Variants in ZNF385B observed in about 807,000 individuals in gnomAD.
ZNF385B encodes the protein zinc finger protein 533.
A neutral mutation model predicts 39.2 loss-of-function variants in ZNF385B; 23 were observed. The ratio of observed to expected loss-of-function variants is 0.59; its 90% CI spans 0.42 to 0.83. The LOEUF is 0.83. Ranked by LOEUF, ZNF385B falls within the 40% of genes least tolerant of loss-of-function variation. The pLI is 0.00. For missense variants in ZNF385B, 552 were observed against 598.9 expected (o/e 0.92, Z 0.82); for synonymous variants, 205 against 222.6 (o/e 0.92, Z 0.70).
At chr2:179,677,827 C>T (rs1390124287) in intron 3 of ZNF385B, among the ~76,000 whole-genome samples, 2 of 152,108 alleles carry the variant, frequency 1.3e-5, no homozygotes, top group Non-Finnish European at 2.9e-5. Flanking sequence ...TTCTAAAACA[C>T]CATTTGAGAT....
At chr2:179,707,344 T>C (rs1162357941) in intron 3 of ZNF385B, among the ~76,000 whole-genome samples, 16 of 152,320 alleles carry the variant, frequency 1.1e-4, no homozygotes, top group African/African-American at 3.8e-4. Context: ...CACCTGGCCC[T>C]GAGGAAGCAC....
chr2:179,656,474 A>C (rs775536728), intron 3 of ZNF385B, among the ~76,000 whole-genome samples: 3 of 152,198 alleles, frequency 2.0e-5, no homozygotes, highest in Non-Finnish European at 4.4e-5. Flanking sequence ...TACTAAAACT[A>C]AAAAGGGTAA....
chr2:179,629,293 A>T lies in ZNF385B; in HGVS notation c.299-84324T>A, dbSNP rs78097164. On this transcript the variant is annotated intron_variant, in intron 3 of 9. Transcript: ENST00000410066. The stretch of plus-strand genomic sequence containing the variant: ...CACCTACAGAGTACTGTCAGCCAGC[A>T]TCTGAAATTTTATTACTTAGAGCAA... 8.4e-3 allele frequency among the ~76,000 whole-genome samples: 1,279 copies of T among 152,336 alleles called. 19 individuals are homozygous for T. The highest frequency in any genetic ancestry group is 0.03 in the African/African-American group (1,231 of 41,582).
intron 1 of ZNF385B, among the ~76,000 whole-genome samples, chr2:179,821,493 T>A (rs766364161): frequency 1.3e-5 from 2 of 152,040 alleles, no homozygotes; most frequent in Non-Finnish European, 2.9e-5. Context: ...CACCCCTTGG[T>A]TTAAAAGCCA....
intron 3 of ZNF385B, among the ~76,000 whole-genome samples, chr2:179,628,974 T>C (rs574712514): frequency 6.6e-6 from 1 of 152,242 alleles, no homozygotes. Flanking sequence ...CATTATGCAC[T>C]AACAGATGTT....
intron 3 of ZNF385B, among the ~76,000 whole-genome samples, chr2:179,696,510 A>G (rs977450586): frequency 4.6e-5 from 7 of 151,894 alleles, no homozygotes; most frequent in African/African-American, 1.7e-4. Context: ...GTAAAACAAT[A>G]TATCCTAATG....
At chr2:179,580,521 G>C (rs909278569) in intron 3 of ZNF385B, among the ~76,000 whole-genome samples, 1 of 152,150 alleles carries the variant, frequency 6.6e-6, no homozygotes, top group East Asian at 1.9e-4. Flanking sequence ...GACTGTATTT[G>C]TAGACAGGCC....
At position 179,493,678 on chromosome 2, in the gene ZNF385B, TACATATAC is replaced by T. The variant is rs755340952; in HGVS notation, c.553-10252_553-10245del. On this transcript the variant is annotated intron_variant, in intron 5 of 9. Transcript: ENST00000410066. The stretch of plus-strand genomic sequence containing the variant: ...ACATATATGTATATGCATATGCATA[TACATATAC>T]ACATATATACATATATGTATACACA... Among the ~76,000 whole-genome samples, 644 of 110,474 alleles carry T rather than the reference TACATATAC, an allele frequency of 5.8e-3. 36 individuals are homozygous for T. The highest frequency in any genetic ancestry group is 9.6e-3 in the Middle Eastern group (2 of 208). 72.5% of individuals were successfully genotyped at this position (110,474 alleles called of 152,430 possible).
chr2:179,755,032 A>C (rs2106476419), intron 3 of ZNF385B, among the ~76,000 whole-genome samples: 1 of 152,238 alleles, frequency 6.6e-6, no homozygotes, highest in Non-Finnish European at 1.5e-5. Flanking sequence ...TTAGGGTGTC[A>C]ATTTTAGATG....
chr2:179,481,842 AT>A (rs2054030792), intron 6 of ZNF385B, among the ~76,000 whole-genome samples: 1 of 152,204 alleles, frequency 6.6e-6, no homozygotes, highest in Non-Finnish European at 1.5e-5. Context: ...CCTCCAGCAA[AT>A]AACTGCCACA....
intron 3 of ZNF385B, among the ~76,000 whole-genome samples, chr2:179,648,155 TG>T (rs1319217193): frequency 6.6e-6 from 1 of 151,830 alleles, no homozygotes; most frequent in Non-Finnish European, 1.5e-5. Context: ...TATTGGTGCA[TG>T]GGTGGAATAG....
chr2:179,623,271 C>CT (rs764039947), intron 3 of ZNF385B, among the ~76,000 whole-genome samples: 3,289 of 144,986 alleles, frequency 0.023, 47 homozygotes, highest in Admixed American at 0.03. Flanking sequence ...GGACATTTGT[C>CT]TTTTTTTTTT....
intron 3 of ZNF385B, among the ~76,000 whole-genome samples, chr2:179,767,676 T>C (rs1364150067): frequency 6.6e-6 from 1 of 152,096 alleles, no homozygotes; most frequent in African/African-American, 2.4e-5. Context: ...AAACAGTAGA[T>C]AGTGTACGCA....
At chr2:179,755,037 T>G (rs895348248) in intron 3 of ZNF385B, among the ~76,000 whole-genome samples, 2 of 152,254 alleles carry the variant, frequency 1.3e-5, no homozygotes, top group Non-Finnish European at 2.9e-5. Flanking sequence ...GTGTCAATTT[T>G]AGATGTTTCC....
chr2:179,565,089 A>C (rs1309715164), intron 3 of ZNF385B, among the ~76,000 whole-genome samples: 1 of 152,172 alleles, frequency 6.6e-6, no homozygotes, highest in East Asian at 1.9e-4. Flanking sequence ...CACAAGCATA[A>C]TTCCTTAATC....
rs1008977705 is a variant in ZNF385B, at chr2:179,861,493, G to A, written c.-547C>T. 6.6e-6 allele frequency: 1 copy of A among 152,264 alleles called. No homozygotes were observed. Among genetic ancestry groups the A allele is most frequent in the African/African-American group, 2.4e-5 (1 of 41,400 alleles). 9.4% of individuals were successfully genotyped at this position (152,264 alleles called of 1,614,324 possible). Reference sequence around the variant, plus strand: ...CCCCTGGCCTGGCCGAGGACCCCGGGGTTTGGACGTGCCAACGCCACTCTC... The same window carrying A: ...CCCCTGGCCTGGCCGAGGACCCCGGAGTTTGGACGTGCCAACGCCACTCTC... On this transcript the variant is annotated 5_prime_UTR_variant, in exon 1 of 10. Transcript: ENST00000410066.
At chr2:179,594,804 T>TC (rs1210578025) in intron 3 of ZNF385B, among the ~76,000 whole-genome samples, 2 of 151,710 alleles carry the variant, frequency 1.3e-5, no homozygotes, top group East Asian at 3.9e-4. Flanking sequence ...ACTCTTTTTT[T>TC]TTTTTTCTGT....
chr2:179,578,616 T>C (rs1310260375), intron 3 of ZNF385B, among the ~76,000 whole-genome samples: 1 of 152,120 alleles, frequency 6.6e-6, no homozygotes, highest in Non-Finnish European at 1.5e-5. Flanking sequence ...CACAAGTCAT[T>C]TGCATTATTA....
At chr2:179,810,466 CAAAT>C (rs538714519) in intron 1 of ZNF385B, among the ~76,000 whole-genome samples, 84 of 151,826 alleles carry the variant, frequency 5.5e-4, no homozygotes, top group Non-Finnish European at 1.1e-3. Context: ...TACATTGACA[CAAAT>C]ATATATACAA....
Sources: allele counts gnomAD v4.1 joint callset (sites outside exome capture counted in the v4.1 genomes callset), GRCh38; gene constraint gnomAD v4.1.1; transcripts MANE v1.5; gene names NCBI Gene and HGNC (gene_info 2026-07-23, HGNC 2026-07-21).